ZNF451: variants seen among roughly 807,000 people sequenced by gnomAD.
ZNF451 encodes the protein E3 SUMO-protein ligase ZNF451.
In ZNF451, 80 loss-of-function variants were observed where a neutral mutation model predicts 107.1. The observed-to-expected ratio is 0.75, with a 90% CI of 0.62 to 0.90. The LOEUF (loss-of-function observed/expected upper bound fraction) is 0.90. Among genes scored for constraint, ZNF451 ranks in the 40% least tolerant of loss-of-function variants. The pLI is 0.00. For missense variants in ZNF451, 1,107 were observed against 1,236.2 expected, an observed-to-expected ratio of 0.90 and a Z score of 1.57; for synonymous variants, 362 against 406.5, an observed-to-expected ratio of 0.89 and a Z score of 1.32.
intron 3 of ZNF451, chr6:57,100,742 AAACTTCCTCTGTTGAG>A: frequency 6.4e-7 from 1 of 1,550,564 alleles, no homozygotes; most frequent in Non-Finnish European, 8.7e-7. Flanking sequence ...ATAGTTTCTC[AAACTTCCTCTGTTGAG>A]AACCCATTGG....
At chr6:57,157,860 A>C (rs1056923897) in intron 13 of ZNF451, among the ~76,000 whole-genome samples, 1 of 152,202 alleles carries the variant, frequency 6.6e-6, no homozygotes, top group Non-Finnish European at 1.5e-5. Context: ...TAAATGTTGA[A>C]AGAAAAAAAA....
chr6:57,137,539 G>A (rs575709979), intron 7 of ZNF451, among the ~76,000 whole-genome samples: 1 of 152,250 alleles, frequency 6.6e-6, no homozygotes, highest in South Asian at 2.1e-4. Context: ...CATACTTTGA[G>A]TAGCAAGTTT....
intron 5 of ZNF451, among the ~76,000 whole-genome samples, chr6:57,130,719 G>A (rs1229959400): frequency 3.3e-5 from 5 of 152,134 alleles, no homozygotes; most frequent in African/African-American, 1.2e-4. Context: ...ATCTGTTTAT[G>A]TATTTCCCTG....
intron 3 of ZNF451, 32 bp downstream of exon 3, chr6:57,099,173 C>T: frequency 1.3e-6 from 2 of 1,514,678 alleles, no homozygotes; most frequent in African/African-American, 1.4e-5. Flanking sequence ...TGTGTTTCTT[C>T]ACTTGTGTCT....
chr6:57,157,409 G>A (rs1207660935), intron 13 of ZNF451, among the ~76,000 whole-genome samples: 1 of 151,966 alleles, frequency 6.6e-6, no homozygotes, highest in Non-Finnish European at 1.5e-5. Context: ...TCTGTATATC[G>A]GTGTCCAGTC....
intron 3 of ZNF451, among the ~76,000 whole-genome samples, chr6:57,100,242 A>C (rs1372000305): frequency 6.6e-6 from 1 of 152,168 alleles, no homozygotes; most frequent in Non-Finnish European, 1.5e-5. Context: ...GTAGAACTTA[A>C]CATATCTTGA....
chr6:57,166,916 T>G (rs774960673), intron 14 of ZNF451, among the ~76,000 whole-genome samples: 5 of 152,210 alleles, frequency 3.3e-5, no homozygotes, highest in Non-Finnish European at 7.4e-5. Context: ...TTACCAAAAG[T>G]TGATACGCAG....
intron 3 of ZNF451, chr6:57,101,339 C>T: frequency 6.4e-7 from 1 of 1,550,634 alleles, no homozygotes; most frequent in East Asian, 2.4e-5. Flanking sequence ...AGAATTGCCA[C>T]CACTGAGGTT....
chr6:57,148,192 A>G lies in ZNF451; in HGVS notation c.2107A>G (p.Thr703Ala), dbSNP rs989728712. The change falls in exon 10 of 15, where the codon ACT becomes GCT. Residue 703 changes from threonine to alanine, a missense_variant. Physicochemically the swap from Thr to Ala is moderately conservative, Grantham distance 58. Transcript: ENST00000370706. ...DYVFVSEKTE[T>A]SIKTEDDFPV... ...TGTATTTGTGTCAGAAAAAACTGAA[A>G]CTTCAATTAAAACCGAAGATGATTT... 49 of 1,613,926 alleles carry G rather than the reference A, an allele frequency of 3.0e-5. No individual in the cohort carries two copies. Among genetic ancestry groups the G allele is most frequent in the Non-Finnish European group, 4.0e-5 (47 of 1,179,978 alleles).
intron 9 of ZNF451, among the ~76,000 whole-genome samples, chr6:57,146,225 G>A (rs1230619240): frequency 6.6e-6 from 1 of 152,068 alleles, no homozygotes; most frequent in African/African-American, 2.4e-5. Flanking sequence ...CTCCCATTCT[G>A]TAAGTTGTCT....
At chr6:57,106,703 T>G in intron 3 of ZNF451, 1 of 985,228 alleles carries the variant, frequency 1.0e-6, no homozygotes, top group Non-Finnish European at 1.2e-6. Flanking sequence ...TCATTCTGTA[T>G]TTAATGTTAG....
chr6:57,146,775 A>C (rs1028656217), intron 9 of ZNF451, among the ~76,000 whole-genome samples: 10 of 152,158 alleles, frequency 6.6e-5, no homozygotes, highest in African/African-American at 2.4e-4. Flanking sequence ...AGAGTCTAAT[A>C]ATTTGCCTGT....
At chr6:57,094,133 A>G (rs1392598555) in intron 2 of ZNF451, among the ~76,000 whole-genome samples, 1 of 152,248 alleles carries the variant, frequency 6.6e-6, no homozygotes, top group Non-Finnish European at 1.5e-5. Flanking sequence ...TTAGAGAATC[A>G]GTTTTCTCAT....
At chr6:57,145,021 A>T (rs1831990934) in intron 9 of ZNF451, among the ~76,000 whole-genome samples, 1 of 152,200 alleles carries the variant, frequency 6.6e-6, no homozygotes, top group Admixed American at 6.5e-5. Context: ...AGGGATTTGT[A>T]TTATTTTTTG....
At chr6:57,102,103 G>A (rs1218762324) in intron 3 of ZNF451, 3 of 1,488,634 alleles carry the variant, frequency 2.0e-6, no homozygotes, top group Non-Finnish European at 2.7e-6. Context: ...TTAATAACCT[G>A]TTTAATGTTC....
At position 57,141,365 on chromosome 6, in the gene ZNF451, C is replaced by T. The variant is rs764620460; in HGVS notation, c.766C>T (p.Pro256Ser). 1 of 1,612,944 alleles carries T rather than the reference C, an allele frequency of 6.2e-7. No homozygotes were observed. The highest frequency in any genetic ancestry group is 1.1e-5 in the South Asian group (1 of 90,914). ...LPQIIQCFACPNCFLLFSRKE... is the reference protein window; with the variant it reads ...LPQIIQCFACSNCFLLFSRKE... ...TCAGATTATTCAGTGTTTTGCATGT[C>T]CAAATTGCTTCCTTCTTTTTAGCAG... The change falls in exon 8 of 15, where the codon CCA (proline) becomes TCA (serine). Residue 256 changes from proline to serine, a missense_variant. Coordinates refer to ENST00000370706, the MANE Select transcript of ZNF451 (RefSeq NM_001031623.3).
chr6:57,148,583 T>G lies in ZNF451; in HGVS notation c.2498T>G (p.Phe833Cys). The change falls in exon 10 of 15, where the codon TTT (phenylalanine) becomes TGT (cysteine). Residue 833 changes from phenylalanine (F) to cysteine (C), a missense_variant. Coordinates refer to ENST00000370706, the MANE Select transcript of ZNF451 (RefSeq NM_001031623.3). Reference sequence around the variant, plus strand: ...TCTGAAAAATCAAACCTGTACAAGTTTACTGCTAGTGCCTCACATACAGAG... The same window carrying G: ...TCTGAAAAATCAAACCTGTACAAGTGTACTGCTAGTGCCTCACATACAGAG... ...FGSEKSNLYK[F>C]TASASHTERK... 6.2e-7 allele frequency: 1 copy of G among 1,614,056 alleles called. No homozygotes were observed.
intron 3 of ZNF451, chr6:57,114,891 C>G (rs932267938): frequency 6.6e-6 from 1 of 152,096 alleles, no homozygotes; most frequent in Non-Finnish European, 1.5e-5. Context: ...GAAATAACCA[C>G]TATTTAACAT....
intron 3 of ZNF451, chr6:57,100,486 T>C: frequency 8.4e-7 from 1 of 1,192,428 alleles, no homozygotes; most frequent in Non-Finnish European, 1.1e-6. Context: ...CTGTTAATTA[T>C]AATAATTTAA....
Sources: gnomAD v4.1 joint callset for allele counts (sites outside exome capture counted in the v4.1 genomes callset) on GRCh38, gnomAD v4.1.1 for gene constraint, MANE v1.5 for transcripts, NCBI Gene and HGNC (gene_info 2026-07-23, HGNC 2026-07-21) for gene names.